The following MOV10 variants were observed in gnomAD, a reference collection of about 807,000 sequenced individuals.
The protein encoded by MOV10 is RNA helicase MOV-10.
In MOV10, 39 loss-of-function variants were observed where a neutral mutation model predicts 108.4. The observed-to-expected ratio is 0.36, with a 90% CI of 0.28 to 0.47. The LOEUF is 0.47. Among genes scored for constraint, MOV10 ranks in the 20% least tolerant of loss-of-function variants. The pLI is 1.00. For missense variants in MOV10, 952 were observed against 1,297.6 expected (o/e 0.73, Z 4.09); for synonymous variants, 490 against 523.1 (o/e 0.94, Z 0.86).
chr1:112,697,090 T>C (rs1674172385), intron 14 of MOV10, among the ~76,000 whole-genome samples: 2 of 152,186 alleles, frequency 1.3e-5, no homozygotes. Flanking sequence ...TGGTCAGTGG[T>C]TCCTAGAGGC....
At position 112,698,413 on chromosome 1, in the gene MOV10, T is replaced by TC; in HGVS notation, c.2445dup (p.Lys816GlnfsTer33). Reference sequence around the variant, plus strand: ...CCTGAAGCTGCTCCTGGCCCCCTCCTCCAAGAAGGGCAAAGCTCGCCTGAG... The same window carrying TC: ...CCTGAAGCTGCTCCTGGCCCCCTCCTCCCAAGAAGGGCAAAGCTCGCCTGAG... On this transcript the variant is annotated frameshift_variant, in exon 16 of 21. Coordinates refer to ENST00000369645, the MANE Select transcript of MOV10 (RefSeq NM_001321324.2). LOFTEE classifies it high-confidence loss of function. The TC allele has an allele frequency of 6.2e-7, 1 of 1,614,124 alleles. No homozygotes were observed. The highest frequency in any genetic ancestry group is 1.1e-5 in the South Asian group (1 of 91,084).
intron 19 of MOV10, 54 bp from the exon 20 acceptor site, chr1:112,700,165 A>T: frequency 6.2e-7 from 1 of 1,612,866 alleles, no homozygotes; most frequent in Non-Finnish European, 8.5e-7. Context: ...CTCAGATGGG[A>T]CAGGACCGTG....
chr1:112,687,890 T>C (rs1673204030), intron 2 of MOV10, among the ~76,000 whole-genome samples: 1 of 151,952 alleles, frequency 6.6e-6, no homozygotes, highest in Non-Finnish European at 1.5e-5. Flanking sequence ...AGTTGTCAAG[T>C]GGGCCGCCCC....
chr1:112,694,888 A>G lies in MOV10; in HGVS notation c.1612A>G (p.Ile538Val), dbSNP rs1673927225. ...TGKTVTLVEA[I>V]KQVVKHLPKA... is the part of the protein sequence containing the mutation. ...CAAGACTGTCACGTTAGTGGAGGCA[A>G]TTAAGCAGGTGGGGTCTGAGCACAA... Residue 538 changes from isoleucine to valine, a missense_variant, in exon 10 of 21, where the codon ATT becomes GTT. Transcript: ENST00000369645. This position sits in a 1 kb window ranked among gnomAD's most constrained non-coding sequence, Gnocchi z 4.1. The G allele has an allele frequency of 6.2e-7, 1 of 1,614,000 alleles. No homozygotes were observed. Among genetic ancestry groups the G allele is most frequent in the Admixed American group, 1.7e-5 (1 of 60,006 alleles).
intron 2 of MOV10, among the ~76,000 whole-genome samples, chr1:112,687,923 T>A (rs190148086): frequency 6.6e-6 from 1 of 152,226 alleles, no homozygotes; most frequent in Non-Finnish European, 1.5e-5. Flanking sequence ...CCTGCACATG[T>A]TCTTGCGTAC....
intron 16 of MOV10, 97 bp downstream of exon 16, chr1:112,698,575 C>T: frequency 6.9e-7 from 1 of 1,455,228 alleles, no homozygotes; most frequent in Non-Finnish European, 9.5e-7. Context: ...GAGCTTAGGC[C>T]TCTGCTGGCT....
chr1:112,688,136 A>G (rs2999159), intron 2 of MOV10, among the ~76,000 whole-genome samples: 129,679 of 151,980 alleles, frequency 0.85, 55,444 homozygotes, highest in South Asian at 0.91. Context: ...TGGAATGTAT[A>G]TGTTCAGTCT....
At position 112,694,481 on chromosome 1, in the gene MOV10, A is replaced by G; in HGVS notation, c.1324A>G (p.Thr442Ala). The change falls in exon 9 of 21, where the codon ACC (threonine) becomes GCC (alanine). Residue 442 changes from threonine (T) to alanine (A), a missense_variant. By Grantham distance (58) the Thr-to-Ala change is moderately conservative (BLOSUM62 0). Coordinates refer to ENST00000369645, the MANE Select transcript of MOV10 (RefSeq NM_001321324.2). The surrounding 1 kb of genome is among the most constrained non-coding windows in gnomAD (Gnocchi z 4.1). ...SLLSRFVDGLTFKVNFTFNRQ... is the reference protein window; with the variant it reads ...SLLSRFVDGLAFKVNFTFNRQ... ...CCTGAGCCGCTTTGTGGATGGGCTG[A>G]CCTTCAAGGTGAACTTTACCTTCAA... 6.2e-7 allele frequency: 1 copy of G among 1,614,038 alleles called. No homozygotes were observed. The highest frequency in any genetic ancestry group is 2.2e-5 in the East Asian group (1 of 44,854).
rs368700237 is a variant in MOV10 at position 112,699,825 on chromosome 1, C to T, written c.2709+15C>T. On this transcript the variant is annotated intron_variant, in intron 18 of 20. Coordinates refer to ENST00000369645, the MANE Select transcript of MOV10 (RefSeq NM_001321324.2). ...AGAACCCCAAGGTTTGAGGGCTGGT[C>T]GGGGTGGCAGGAATTCTTCCATTCT... is the stretch of plus-strand genomic sequence containing the variant. The T allele has an allele frequency of 9.3e-6, 15 of 1,613,986 alleles. No homozygotes were observed. The highest frequency in any genetic ancestry group is 3.3e-5 in the Admixed American group (2 of 60,008).
Position 112,674,964 on chromosome 1 carries a change from G to T in MOV10, c.52G>T (p.Glu18Ter). Reference protein sequence around the residue: ...RQLREAGQCFESFLVVRGLDM... With the variant: ...RQLREAGQCF ...GCTCCGGGAGGCGGGCCAGTGTTTC[G>T]AGAGTTTCCTGGTCGTTCGGGGACT... Residue 18 changes from glutamate to a stop codon, truncating the protein, a stop_gained, in exon 2 of 21, where the codon GAG becomes TAG. Transcript: ENST00000369645. LOFTEE classifies it high-confidence loss of function. 1 of 1,583,814 alleles carries T rather than the reference G, an allele frequency of 6.3e-7. No individual in the cohort carries two copies.
At chr1:112,689,307 AGCACAGCTG>A (rs1673349960) in intron 3 of MOV10, 99 bp from the exon 4 acceptor site, 16 of 1,267,286 alleles carry the variant, frequency 1.3e-5, no homozygotes, top group Non-Finnish European at 1.8e-5. Context: ...GAGTTTCCTA[AGCACAGCTG>A]GCACTTTGCC....
At chr1:112,697,867 C>T (rs368566554) in intron 14 of MOV10, 127 bp from the exon 15 acceptor site, 8 of 741,914 alleles carry the variant, frequency 1.1e-5, no homozygotes, top group African/African-American at 8.6e-5. Flanking sequence ...GGAGGAGTGT[C>T]CTGCTATCCA....
chr1:112,685,504 A>C (rs1402608657), intron 2 of MOV10, among the ~76,000 whole-genome samples: 1 of 151,690 alleles, frequency 6.6e-6, no homozygotes, highest in Non-Finnish European at 1.5e-5. Context: ...AAAATAGAAA[A>C]ATTAGCTGGG....
chr1:112,688,776 C>A (rs577201559), intron 2 of MOV10, 159 bp from the exon 3 acceptor site: 1 of 1,461,602 alleles, frequency 6.8e-7, no homozygotes, highest in African/African-American at 1.4e-5. Flanking sequence ...TTCCTCCGAT[C>A]CCCAGCCTGA....
rs1002657049 is a variant in MOV10 at position 112,674,786 on chromosome 1, G to A, written c.-66+57G>A. 8 of 900,152 alleles carry A rather than the reference G, an allele frequency of 8.9e-6. No homozygotes were observed. In the East Asian group the frequency reaches 2.4e-4, roughly 27 times the overall value. The allele number at this position is 900,152 out of a possible 1,614,324, so 55.8% of individuals were successfully genotyped here. On this transcript the variant is annotated intron_variant, in intron 1 of 20. Transcript: ENST00000369645. ...GGGGAGAAGGGAGCCCGCAGGATCA[G>A]GGGTCAGAGTTAGGGGGCTTCCCTC... is the stretch of plus-strand genomic sequence containing the variant.
intron 2 of MOV10, among the ~76,000 whole-genome samples, chr1:112,678,850 C>T (rs560159089): frequency 5.9e-5 from 9 of 152,048 alleles, no homozygotes; most frequent in East Asian, 3.9e-4. Flanking sequence ...TGGCTTCTGG[C>T]GTGGAGAGTG....
At chr1:112,686,326 G>A (rs973359697) in intron 2 of MOV10, among the ~76,000 whole-genome samples, 1 of 152,170 alleles carries the variant, frequency 6.6e-6, no homozygotes, top group Non-Finnish European at 1.5e-5. Context: ...GACTTTGATG[G>A]ACTCTAAGAA....
intron 17 of MOV10, chr1:112,699,274 A>C (rs557963938): frequency 4.2e-6 from 1 of 236,360 alleles, no homozygotes; most frequent in African/African-American, 2.3e-5. Context: ...TCTAATATGC[A>C]GCCAGGGTTG....
At chr1:112,682,516 A>G (rs542186973) in intron 2 of MOV10, among the ~76,000 whole-genome samples, 1 of 152,352 alleles carries the variant, frequency 6.6e-6, no homozygotes, top group Non-Finnish European at 1.5e-5. Context: ...AAAATGTTCA[A>G]ATTGTAAGTG....
Sources: allele counts gnomAD v4.1 joint callset (sites outside exome capture counted in the v4.1 genomes callset), GRCh38; gene constraint gnomAD v4.1.1; non-coding constraint Gnocchi (gnomAD v3.1); transcripts MANE v1.5; gene names NCBI Gene and HGNC (gene_info 2026-07-23, HGNC 2026-07-21).